The following MGAT1 variants were observed in gnomAD, a reference collection of about 807,000 sequenced individuals.
MGAT1 encodes N-glycosyl-oligosaccharide-glycoprotein N-acetylglucosaminyltransferase I.
A neutral mutation model predicts 31.7 loss-of-function variants in MGAT1; 14 were observed. The observed-to-expected ratio is 0.44, with a 90% CI of 0.29 to 0.69. The LOEUF is 0.69. MGAT1 is among the 30% of genes least tolerant of loss of function. The pLI, the probability that MGAT1 is intolerant of heterozygous loss-of-function variation, is 0.12. For synonymous variants in MGAT1, 338 were observed against 276.0 expected (o/e 1.22, Z -2.23); for missense variants, 557 against 626.0 (o/e 0.89, Z 1.18).
At chr5:180,801,389 A>C (rs1770732464) in intron 1 of MGAT1, among the ~76,000 whole-genome samples, 1 of 152,244 alleles carries the variant, frequency 6.6e-6, no homozygotes, top group Non-Finnish European at 1.5e-5. Context: ...GAAAATATAG[A>C]CATGTCACAG....
intron 1 of MGAT1, chr5:180,810,268 T>C (rs1772415145): frequency 6.6e-6 from 1 of 152,238 alleles, no homozygotes; most frequent in African/African-American, 2.4e-5. Flanking sequence ...CGCCCATTTT[T>C]CTACCCAACG....
chr5:180,814,221 G>T (rs926975894), intron 1 of MGAT1, among the ~76,000 whole-genome samples: 1 of 152,312 alleles, frequency 6.6e-6, no homozygotes, highest in South Asian at 2.1e-4. Flanking sequence ...AGTCTGGTAG[G>T]TACAAAAGTT....
Position 180,791,441 on chromosome 5 carries a change from C to T in MGAT1, c.*193G>A. On this transcript the variant is annotated 3_prime_UTR_variant, in exon 2 of 2. Transcript: ENST00000307826. ...CCGCAACATACCCTAGAATAGTTCC[C>T]CTGATCTGACTCCCTTGAGAACGGG... 2.8e-6 allele frequency: 2 copies of T among 712,222 alleles called. No individual in the cohort carries two copies. The highest frequency in any genetic ancestry group is 4.7e-6 in the Non-Finnish European group (2 of 429,646). The allele number at this position is 712,222 out of a possible 1,614,324, so 44.1% of individuals were successfully genotyped here. A position where few individuals can be genotyped will look rare whatever the true frequency, so the allele number is the denominator to read the frequency against.
At position 180,792,663 on chromosome 5, in the gene MGAT1, C is replaced by T. The variant is rs1264802727; in HGVS notation, c.309G>A (p.Pro103=). The change falls in exon 2 of 2, where the codon CCG becomes CCA. Residue 103 remains proline, a synonymous_variant. Transcript: ENST00000307826. Reference sequence around the variant, plus strand: ...CGATGACCAGGATGGGAATCACCGCCGGCGCGGGGGTCACAGGCACACGCG... The same window carrying T: ...CGATGACCAGGATGGGAATCACCGCTGGCGCGGGGGTCACAGGCACACGCG... ...AQPRVPVTPA[P]AVIPILVIAC... is the part of the protein sequence containing the mutation. 13 of 1,577,274 alleles carry T rather than the reference C, an allele frequency of 8.2e-6. No homozygotes were observed. The highest frequency in any genetic ancestry group is 1.7e-4 in the Middle Eastern group (1 of 5,906).
In MGAT1 at chr5:180,789,168, T is replaced by A. The variant is rs952611727; in HGVS notation, c.*2466A>T. 1 of 152,216 alleles carries A rather than the reference T, an allele frequency of 6.6e-6. No individual in the cohort carries two copies. The highest frequency in any genetic ancestry group is 1.5e-5 in the Non-Finnish European group (1 of 68,046). 9.4% of individuals were successfully genotyped at this position (152,216 alleles called of 1,614,324 possible). A position where few individuals can be genotyped will look rare whatever the true frequency, so the allele number is the denominator to read the frequency against. The stretch of plus-strand genomic sequence containing the variant: ...CTGGTTTCTGAGCCCAGATGGGAGG[T>A]TGGAGCTGCTCCCAAGGCCACGGCC... On this transcript the variant is annotated 3_prime_UTR_variant, in exon 2 of 2. Transcript: ENST00000307826.
At chr5:180,813,123 G>A (rs1432854222) in intron 1 of MGAT1, among the ~76,000 whole-genome samples, 1 of 150,740 alleles carries the variant, frequency 6.6e-6, no homozygotes, top group Non-Finnish European at 1.5e-5. Context: ...CTGGGAACTC[G>A]TGTCGAAAGG....
At chr5:180,809,875 T>C in intron 1 of MGAT1, 1 of 151,870 alleles carries the variant, frequency 6.6e-6, no homozygotes, top group Non-Finnish European at 1.5e-5. Flanking sequence ...GGCGTCCACA[T>C]GACCTCCACC....
intron 1 of MGAT1, among the ~76,000 whole-genome samples, chr5:180,801,258 G>A (rs1174589552): frequency 6.6e-6 from 1 of 152,230 alleles, no homozygotes; most frequent in Non-Finnish European, 1.5e-5. Flanking sequence ...CCAATCATGA[G>A]CAATAAGCGA....
upstream of MGAT1, among the ~76,000 whole-genome samples, chr5:180,806,664 CT>C (rs1771920793): frequency 6.6e-6 from 1 of 152,214 alleles, no homozygotes; most frequent in South Asian, 2.1e-4. Flanking sequence ...CCACTCAGGG[CT>C]TCCGTAGCTT....
chr5:180,804,818 C>T (rs1254532382), upstream of MGAT1, among the ~76,000 whole-genome samples: 1 of 152,182 alleles, frequency 6.6e-6, no homozygotes, highest in Non-Finnish European at 1.5e-5. Context: ...CCTGATACTT[C>T]TCCATCTAAG....
At chr5:180,798,361 C>T (rs1433053565) in intron 1 of MGAT1, among the ~76,000 whole-genome samples, 1 of 152,180 alleles carries the variant, frequency 6.6e-6, no homozygotes, top group African/African-American at 2.4e-5. Context: ...CTATCTTCTT[C>T]ACCTGGCACA....
intron 1 of MGAT1, chr5:180,795,505 C>T (rs577148150): frequency 6.6e-6 from 1 of 152,254 alleles, no homozygotes; most frequent in East Asian, 1.9e-4. Context: ...AGGTAATACA[C>T]ACTGAAGTAT....
At chr5:180,810,263 A>G (rs1450346605) in intron 1 of MGAT1, 2 of 148,882 alleles carry the variant, frequency 1.3e-5, no homozygotes, top group Non-Finnish European at 3.0e-5. Context: ...CATCCCGCCC[A>G]TTTTTCTACC....
chr5:180,797,312 G>A (rs1769608030), intron 1 of MGAT1, among the ~76,000 whole-genome samples: 1 of 148,736 alleles, frequency 6.7e-6, no homozygotes, highest in African/African-American at 2.5e-5. Context: ...TGAGACAGGA[G>A]AATCCCTTGA....
Position 180,795,294 on chromosome 5 carries a change from T to TAC in MGAT1, c.-126-2198_-126-2197insGT, listed in dbSNP as rs1163698179. 44 of 147,354 alleles carry TAC rather than the reference T, an allele frequency of 3.0e-4. No individual in the cohort carries two copies. In the East Asian group the frequency reaches 7.7e-3, roughly 26 times the overall value. The allele number at this position is 147,354 out of a possible 1,614,324, so 9.1% of individuals were successfully genotyped here. Reference sequence around the variant, plus strand: ...TTTTACAGGTATATATATATATATATATATACACACACACACATATATGTC... The same window carrying TAC: ...TTTTACAGGTATATATATATATATATACATATACACACACACACATATATGTC... On this transcript the variant is annotated intron_variant, in intron 1 of 1. Coordinates refer to ENST00000307826, the MANE Select transcript of MGAT1 (RefSeq NM_002406.4).
At chr5:180,798,411 C>T (rs1769964997) in intron 1 of MGAT1, among the ~76,000 whole-genome samples, 1 of 152,180 alleles carries the variant, frequency 6.6e-6, no homozygotes, top group South Asian at 2.1e-4. Context: ...TCCTTGACGC[C>T]TGGGACCATG....
chr5:180,800,052 A>C (rs1258310050), intron 1 of MGAT1, among the ~76,000 whole-genome samples: 1 of 152,232 alleles, frequency 6.6e-6, no homozygotes, highest in Non-Finnish European at 1.5e-5. Flanking sequence ...GACCACAAGC[A>C]AGAACCACAT....
At chr5:180,814,322 C>T (rs1377939423) in intron 1 of MGAT1, among the ~76,000 whole-genome samples, 4 of 152,240 alleles carry the variant, frequency 2.6e-5, no homozygotes, top group African/African-American at 7.2e-5. Flanking sequence ...CTTGTTCCCT[C>T]AATCTTATTG....
intron 1 of MGAT1, among the ~76,000 whole-genome samples, chr5:180,796,105 C>T (rs1454772506): frequency 1.3e-5 from 2 of 152,214 alleles, no homozygotes; most frequent in Non-Finnish European, 2.9e-5. Flanking sequence ...TTGCCCTCTG[C>T]CTCACAGGCT....
Sources: allele counts gnomAD v4.1 joint callset (sites outside exome capture counted in the v4.1 genomes callset), GRCh38; gene constraint gnomAD v4.1.1; transcripts MANE v1.5; gene names NCBI Gene and HGNC (gene_info 2026-07-23, HGNC 2026-07-21).